Variants in BCAS3 observed in about 807,000 individuals in gnomAD.
BCAS3 encodes the protein BCAS4/BCAS3 fusion.
Under a neutral mutation model 116.1 loss-of-function variants are expected in BCAS3, and 53 were observed. That is an observed-to-expected ratio of 0.46 (90% confidence interval 0.37 to 0.57). The LOEUF (loss-of-function observed/expected upper bound fraction) is 0.57, where lower values mean the gene tolerates loss of function less well. BCAS3 is among the 20% of genes least tolerant of loss of function. The pLI, the probability that BCAS3 is intolerant of heterozygous loss-of-function variation, is 0.00. For missense variants in BCAS3, 917 were observed against 1,165.4 expected (o/e 0.79, Z 3.10); for synonymous variants, 391 against 408.2 (o/e 0.96, Z 0.51).
At chr17:60,851,414 G>A (rs2053146078) in intron 7 of BCAS3, 26 of 414,116 alleles carry the variant, frequency 6.3e-5, no homozygotes, top group South Asian at 5.0e-4. Flanking sequence ...CCACCGAAGG[G>A]GCCGCCAAGG....
At position 61,017,276 on chromosome 17, in the gene BCAS3, G is replaced by T. The variant is rs2065523338; in HGVS notation, c.1637+1375G>T. ...TTTTTTCATTGTATATTACATTCCT[G>T]GGATGTAGAATCAAAAATGGGACTA... On this transcript the variant is annotated intron_variant, in intron 16 of 23. Coordinates refer to ENST00000407086, the MANE Select transcript of BCAS3 (RefSeq NM_017679.5). The surrounding 1 kb of genome is among the most constrained non-coding windows in gnomAD (Gnocchi z 4.7). 6.6e-6 allele frequency among the ~76,000 whole-genome samples: 1 copy of T among 151,992 alleles called. No individual in the cohort carries two copies. Among genetic ancestry groups the T allele is most frequent in the South Asian group, 2.1e-4 (1 of 4,804 alleles).
At chr17:60,977,260 G>A (rs1230068862) in intron 14 of BCAS3, among the ~76,000 whole-genome samples, 1 of 152,130 alleles carries the variant, frequency 6.6e-6, no homozygotes, top group African/African-American at 2.4e-5. Context: ...GCTCACTGCA[G>A]CCTCAAATTC....
Position 61,324,254 on chromosome 17 carries a change from C to T in BCAS3, c.2426-44073C>T, listed in dbSNP as rs1459370954. On this transcript the variant is annotated intron_variant, in intron 22 of 23. Transcript: ENST00000407086. This position sits in a 1 kb window ranked among gnomAD's most constrained non-coding sequence, Gnocchi z 4.6. ...GTGAGTGAATTAGAGGCGGGAGAGA[C>T]CCTACCTCCTTTATCATACACATTG... 6.6e-6 allele frequency among the ~76,000 whole-genome samples: 1 copy of T among 152,106 alleles called. No individual in the cohort carries two copies. The highest frequency in any genetic ancestry group is 1.5e-5 in the Non-Finnish European group (1 of 68,022).
At chr17:60,935,035 G>A (rs2059845967) in intron 13 of BCAS3, among the ~76,000 whole-genome samples, 1 of 152,074 alleles carries the variant, frequency 6.6e-6, no homozygotes, top group Admixed American at 6.6e-5. Flanking sequence ...GCTCATGCCC[G>A]TAGCTGTAAT....
chr17:61,066,541 A>G (rs1401855464), intron 19 of BCAS3, among the ~76,000 whole-genome samples: 1 of 152,086 alleles, frequency 6.6e-6, no homozygotes, highest in Non-Finnish European at 1.5e-5. Context: ...ACAAGGTCTA[A>G]TTTTTTTCCT....
chr17:61,044,465 A>AAAAAAATATATATAT, intron 19 of BCAS3, among the ~76,000 whole-genome samples: 21 of 120,114 alleles, frequency 1.7e-4, no homozygotes, highest in African/African-American at 8.5e-4. Flanking sequence ...AAAAAAAAAA[A>AAAAAAATATATATAT]ATATATATAT....
At position 61,201,815 on chromosome 17, in the gene BCAS3, G is replaced by A. The variant is rs1268556202; in HGVS notation, c.2425+117251G>A. 4.6e-5 allele frequency among the ~76,000 whole-genome samples: 7 copies of A among 150,698 alleles called. No homozygotes were observed. In the South Asian group the frequency reaches 6.3e-4, roughly 14 times the overall value. On this transcript the variant is annotated intron_variant, in intron 22 of 23. Coordinates refer to ENST00000407086, the MANE Select transcript of BCAS3 (RefSeq NM_017679.5). ...GCTCTGTCGCCCAGGCTGCAGTGCA[G>A]TGGCGCAATCTCGGCTCACTGCAAC...
intron 15 of BCAS3, among the ~76,000 whole-genome samples, chr17:60,997,891 C>T (rs6504012): frequency 0.081 from 12,371 of 152,176 alleles, 1,723 homozygotes; most frequent in African/African-American, 0.28. Context: ...TGTGCAGATT[C>T]GTTACATGGG....
rs540805203 is a variant in BCAS3, at chr17:61,368,165, GC to G, written c.2426-161del. The G allele has an allele frequency of 4.6e-4, 291 of 637,964 alleles. 2 individuals carry two copies. The East Asian group carries it at 7.0e-3, about 15-fold the overall frequency. 39.5% of individuals were successfully genotyped at this position (637,964 alleles called of 1,614,324 possible). ...GGTCTGCACTCTCTCAGCGGCATGAGCTATTTCTCCTGCGCTACCCAGTCTG... is the reference window on the plus strand; with the variant it reads ...GGTCTGCACTCTCTCAGCGGCATGAGTATTTCTCCTGCGCTACCCAGTCTG... On this transcript the variant is annotated intron_variant, in intron 22 of 23. Coordinates refer to ENST00000407086, the MANE Select transcript of BCAS3 (RefSeq NM_017679.5). The surrounding 1 kb of genome is among the most constrained non-coding windows in gnomAD (Gnocchi z 6.0).
chr17:60,891,787 C>A, intron 10 of BCAS3: 1 of 454,768 alleles, frequency 2.2e-6, no homozygotes. Context: ...AGTGATTTTT[C>A]AACCCTCAGC....
At chr17:60,897,308 C>T (rs2057577521) in intron 10 of BCAS3, among the ~76,000 whole-genome samples, 1 of 152,118 alleles carries the variant, frequency 6.6e-6, no homozygotes. Flanking sequence ...TTATATGTGA[C>T]TAGACACGAT....
chr17:60,680,710 G>A (rs1312257224), intron 2 of BCAS3, among the ~76,000 whole-genome samples: 4 of 151,284 alleles, frequency 2.6e-5, no homozygotes, highest in Middle Eastern at 6.8e-3. Context: ...GTCTCGGCTC[G>A]CTGCAGCCTC....
chr17:60,825,261 A>C (rs573852018), intron 7 of BCAS3, among the ~76,000 whole-genome samples: 1 of 151,878 alleles, frequency 6.6e-6, no homozygotes, highest in East Asian at 1.9e-4. Flanking sequence ...TTTAATGATG[A>C]ATATTCATCC....
intron 19 of BCAS3, among the ~76,000 whole-genome samples, chr17:61,045,895 A>T (rs1262616766): frequency 3.0e-5 from 1 of 33,868 alleles, no homozygotes; most frequent in Non-Finnish European, 3.9e-5. Context: ...TATATATATA[A>T]TATATATAAA....
chr17:60,922,879 T>A (rs2059179691), intron 12 of BCAS3, among the ~76,000 whole-genome samples: 1 of 152,154 alleles, frequency 6.6e-6, no homozygotes, highest in South Asian at 2.1e-4. Flanking sequence ...TTAGCAAATA[T>A]TTTGAATTGA....
Position 61,072,791 on chromosome 17 carries a change from C to T in BCAS3, c.2030-2129C>T, listed in dbSNP as rs565037902. Among the ~76,000 whole-genome samples the T allele has an allele frequency of 1.6e-4, 25 of 152,234 alleles. No homozygotes were observed. The South Asian group carries it at 2.9e-3, about 18-fold the overall frequency. On this transcript the variant is annotated intron_variant, in intron 19 of 23. Coordinates refer to ENST00000407086, the MANE Select transcript of BCAS3 (RefSeq NM_017679.5). ...CAACATGGCTTATCCCACCCAACCA[C>T]AGTGGCCTCCTAGCTGTTACTTATT...
chr17:61,192,566 G>C (rs2080212911), intron 22 of BCAS3, among the ~76,000 whole-genome samples: 1 of 152,124 alleles, frequency 6.6e-6, no homozygotes, highest in Admixed American at 6.6e-5. Flanking sequence ...GATGCCAGAA[G>C]GCAATGGAGT....
chr17:60,843,962 C>G (rs2052238424), intron 7 of BCAS3, among the ~76,000 whole-genome samples: 1 of 152,118 alleles, frequency 6.6e-6, no homozygotes, highest in African/African-American at 2.4e-5. Flanking sequence ...ACAAAGTATA[C>G]AACTAATATA....
Position 61,067,040 on chromosome 17 carries a change from A to G in BCAS3, c.2030-7880A>G, listed in dbSNP as rs369121085. 2.0e-5 allele frequency among the ~76,000 whole-genome samples: 3 copies of G among 151,610 alleles called. No homozygotes were observed. The East Asian group carries it at 5.8e-4, about 29-fold the overall frequency. On this transcript the variant is annotated intron_variant, in intron 19 of 23. Transcript: ENST00000407086. ...TAACTTTCTCTAACCGATAAATACC[A>G]TATTTTCTGTGGGTAATTTTTTAAA...
Sources: gnomAD v4.1 joint callset for allele counts (sites outside exome capture counted in the v4.1 genomes callset) on GRCh38, gnomAD v4.1.1 for gene constraint, Gnocchi (gnomAD v3.1) non-coding constraint, MANE v1.5 for transcripts, NCBI Gene and HGNC (gene_info 2026-07-23, HGNC 2026-07-21) for gene names.